Variants in SLIT1 observed in about 807,000 individuals in gnomAD.
SLIT1 encodes the protein slit guidance ligand 1.
In SLIT1, 66 loss-of-function variants were observed where a neutral mutation model predicts 186.1. That is an observed-to-expected ratio of 0.35 (90% CI 0.29 to 0.44). SLIT1 has a LOEUF of 0.44. SLIT1 is among the 20% of genes least tolerant of loss of function. The pLI, the probability that SLIT1 is intolerant of heterozygous loss-of-function variation, is 1.00. For synonymous variants in SLIT1, 761 were observed against 833.8 expected, an observed-to-expected ratio of 0.91 and a Z score of 1.50; for missense variants, 1,638 against 2,037.4, an observed-to-expected ratio of 0.80 and a Z score of 3.77.
At chr10:97,173,746 G>T (rs986149618) in intron 1 of SLIT1, among the ~76,000 whole-genome samples, 2 of 152,094 alleles carry the variant, frequency 1.3e-5, no homozygotes, top group African/African-American at 4.8e-5. Flanking sequence ...ATCCCTGAGC[G>T]CAGCTGCAAG....
chr10:97,053,211 T>C (rs1848806920), intron 13 of SLIT1, among the ~76,000 whole-genome samples: 1 of 152,176 alleles, frequency 6.6e-6, no homozygotes, highest in South Asian at 2.1e-4. Context: ...CCATTCCCCA[T>C]CCCCAAGGTT....
intron 12 of SLIT1, 118 bp downstream of exon 12, chr10:97,057,092 G>T: frequency 1.4e-6 from 1 of 740,724 alleles, no homozygotes; most frequent in Non-Finnish European, 2.3e-6. Context: ...TGTCTTCCAA[G>T]CTCATTGTCT....
intron 4 of SLIT1, among the ~76,000 whole-genome samples, chr10:97,085,205 G>C (rs1251545196): frequency 6.6e-6 from 1 of 152,022 alleles, no homozygotes; most frequent in East Asian, 1.9e-4. Context: ...TTACAGGTGT[G>C]AGCCACCACG....
chr10:97,087,822 A>G (rs1199886677), intron 4 of SLIT1, among the ~76,000 whole-genome samples: 1 of 152,000 alleles, frequency 6.6e-6, no homozygotes, highest in Non-Finnish European at 1.5e-5. Flanking sequence ...CCCAGCCAAT[A>G]TTTCCCATTT....
At chr10:97,100,227 A>T (rs530660508) in intron 4 of SLIT1, among the ~76,000 whole-genome samples, 1 of 152,276 alleles carries the variant, frequency 6.6e-6, no homozygotes, top group East Asian at 1.9e-4. Context: ...GGGACCCGGC[A>T]TGCAGGGAGT....
Position 97,021,473 on chromosome 10 carries a change from G to A in SLIT1, c.2583-60C>T. On this transcript the variant is annotated intron_variant, in intron 25 of 36. Coordinates refer to ENST00000266058, the MANE Select transcript of SLIT1 (RefSeq NM_003061.3). The surrounding 1 kb of genome is among the most constrained non-coding windows in gnomAD (Gnocchi z 4.5). ...CTTCATGGGGTCCCTCGCCCACTGGGAACCTAGAGTCCCAGGCACTGCACC... is the reference window on the plus strand; with the variant it reads ...CTTCATGGGGTCCCTCGCCCACTGGAAACCTAGAGTCCCAGGCACTGCACC... 5 of 1,527,974 alleles carry A rather than the reference G, an allele frequency of 3.3e-6. No homozygotes were observed. Among genetic ancestry groups the A allele is most frequent in the Non-Finnish European group, 3.6e-6 (4 of 1,122,910 alleles). The allele number at this position is 1,527,974 out of a possible 1,614,324, so 94.7% of individuals were successfully genotyped here. A position where few individuals can be genotyped will look rare whatever the true frequency, so the allele number is the denominator to read the frequency against.
At chr10:97,089,499 T>G (rs2134662038) in intron 4 of SLIT1, among the ~76,000 whole-genome samples, 1 of 152,316 alleles carries the variant, frequency 6.6e-6, no homozygotes, top group Non-Finnish European at 1.5e-5. Flanking sequence ...TGCCCATGGC[T>G]GGAGGTGTCA....
chr10:97,095,049 G>C (rs895237018), intron 4 of SLIT1, among the ~76,000 whole-genome samples: 3 of 152,176 alleles, frequency 2.0e-5, no homozygotes, highest in Admixed American at 6.5e-5. Context: ...CTGAGAGGCC[G>C]AGGCAGGTGG....
intron 32 of SLIT1, among the ~76,000 whole-genome samples, chr10:97,005,938 C>G (rs889165081): frequency 6.6e-6 from 1 of 152,086 alleles, no homozygotes; most frequent in Non-Finnish European, 1.5e-5. Flanking sequence ...CAATATAAAC[C>G]ACTCTCCTCT....
At position 97,001,219 on chromosome 10, in the gene SLIT1, C is replaced by T. The variant is rs1302227506; in HGVS notation, c.4498G>A (p.Gly1500Ser). The T allele has an allele frequency of 1.9e-6, 3 of 1,613,204 alleles. No homozygotes were observed. The highest frequency in any genetic ancestry group is 1.7e-5 in the Admixed American group (1 of 60,030). The change falls in exon 37 of 37, where the codon GGC (glycine) becomes AGC (serine). Residue 1500 changes from glycine to serine, a missense_variant. Transcript: ENST00000266058. ...AACTTCCTCCGCTTCAGCCGAAGGC[C>T]CTGGCAGCAGCCCTGGCCTGGGCAC... ...GSCPGQGCCQ[G>S]LRLKRRKFTF...
intron 4 of SLIT1, chr10:97,103,267 A>G (rs2279509): frequency 0.29 from 43,544 of 152,246 alleles, 6,870 homozygotes; most frequent in African/African-American, 0.43. Flanking sequence ...AGGTAACGCC[A>G]CTGGCCTTCT....
At chr10:97,164,160 C>T (rs1274916008) in intron 2 of SLIT1, among the ~76,000 whole-genome samples, 1 of 152,228 alleles carries the variant, frequency 6.6e-6, no homozygotes, top group African/African-American at 2.4e-5. Flanking sequence ...AACAGATTGA[C>T]TGTTGCGTGA....
chr10:97,079,630 G>C (rs1055116358), intron 4 of SLIT1, among the ~76,000 whole-genome samples: 1 of 152,224 alleles, frequency 6.6e-6, no homozygotes, highest in South Asian at 2.1e-4. Context: ...CCCAGGCTGA[G>C]AGGAAACTGC....
chr10:96,999,270 G>GAGGACACCTGCCACA lies in SLIT1; in HGVS notation c.*1827_*1841dup, dbSNP rs1848278250. 1 of 152,266 alleles carries GAGGACACCTGCCACA rather than the reference G, an allele frequency of 6.6e-6. No homozygotes were observed. The highest frequency in any genetic ancestry group is 1.5e-5 in the Non-Finnish European group (1 of 68,108). The allele number at this position is 152,266 out of a possible 1,614,324, so 9.4% of individuals were successfully genotyped here. A position where few individuals can be genotyped will look rare whatever the true frequency, so the allele number is the denominator to read the frequency against. On this transcript the variant is annotated 3_prime_UTR_variant, in exon 37 of 37. Coordinates refer to ENST00000266058, the MANE Select transcript of SLIT1 (RefSeq NM_003061.3). ...CCTGGTGAGGGGCAGATCCTGCCAT[G>GAGGACACCTGCCACA]AGGACACCTGCCACATTGGGCAGGG...
At chr10:97,075,921 G>A (rs1163947763) in intron 4 of SLIT1, among the ~76,000 whole-genome samples, 1 of 152,186 alleles carries the variant, frequency 6.6e-6, no homozygotes, top group Non-Finnish European at 1.5e-5. Flanking sequence ...AAGGGTTGGA[G>A]GTGCCAACTC....
chr10:97,027,768 A>G (rs1044325745), intron 25 of SLIT1, among the ~76,000 whole-genome samples: 1 of 152,034 alleles, frequency 6.6e-6, no homozygotes, highest in African/African-American at 2.4e-5. Flanking sequence ...TTGTTTGTTC[A>G]CCTCTCATTT....
At chr10:97,013,375 C>T (rs763212429) in intron 30 of SLIT1, among the ~76,000 whole-genome samples, 1 of 152,124 alleles carries the variant, frequency 6.6e-6, no homozygotes, top group African/African-American at 2.4e-5. Context: ...GGAATAATAG[C>T]CTGGAGCACT....
chr10:97,063,808 G>A (rs766923166), intron 7 of SLIT1, among the ~76,000 whole-genome samples, 190 bp from the exon 8 acceptor site: 13 of 152,036 alleles, frequency 8.6e-5, no homozygotes, highest in Non-Finnish European at 1.8e-4. Context: ...TCCCGCTGCT[G>A]CCCCTCCCCT....
At chr10:97,152,972 C>A (rs2134714648) in intron 4 of SLIT1, 1 of 152,304 alleles carries the variant, frequency 6.6e-6, no homozygotes, top group East Asian at 1.9e-4. Context: ...CAATGTTGGA[C>A]ATATATGTTA....
Sources: allele counts gnomAD v4.1 joint callset (sites outside exome capture counted in the v4.1 genomes callset), GRCh38; gene constraint gnomAD v4.1.1; non-coding constraint Gnocchi (gnomAD v3.1); transcripts MANE v1.5; gene names NCBI Gene and HGNC (gene_info 2026-07-23, HGNC 2026-07-21).